Variants in KCNN3 observed in about 807,000 individuals in gnomAD.
KCNN3 encodes the protein small conductance calcium-activated potassium channel protein 3.
Under a neutral mutation model 62.9 loss-of-function variants are expected in KCNN3, and 16 were observed. The observed-to-expected ratio is 0.25, with a 90% CI of 0.17 to 0.39. The LOEUF (loss-of-function observed/expected upper bound fraction) is 0.39, where lower values mean the gene tolerates loss of function less well. Among genes scored for constraint, KCNN3 ranks in the 10% least tolerant of loss-of-function variants. The pLI is 1.00. For missense variants in KCNN3, 599 were observed against 949.4 expected, an observed-to-expected ratio of 0.63 and a Z score of 4.85; for synonymous variants, 370 against 389.2, an observed-to-expected ratio of 0.95 and a Z score of 0.58.
chr1:154,747,361 T>A (rs117791669), intron 3 of KCNN3, among the ~76,000 whole-genome samples: 1 of 152,222 alleles, frequency 6.6e-6, no homozygotes, highest in East Asian at 1.9e-4. Context: ...CTGCTCCCAA[T>A]CTACCAGTGG....
At chr1:154,735,731 C>A (rs1700699857) in intron 3 of KCNN3, among the ~76,000 whole-genome samples, 1 of 152,218 alleles carries the variant, frequency 6.6e-6, no homozygotes, top group African/African-American at 2.4e-5. Flanking sequence ...TCACTCTGCC[C>A]TGCTAGGCCC....
intron 5 of KCNN3, among the ~76,000 whole-genome samples, chr1:154,717,161 C>T (rs981147799): frequency 6.6e-6 from 1 of 152,208 alleles, no homozygotes; most frequent in African/African-American, 2.4e-5. Context: ...CTGAGTACTT[C>T]ATATGTCTAA....
chr1:154,778,315 G>T (rs1172087626), intron 2 of KCNN3, among the ~76,000 whole-genome samples: 1 of 152,178 alleles, frequency 6.6e-6, no homozygotes, highest in Non-Finnish European at 1.5e-5. Context: ...AATCAACAAG[G>T]TTAGGCCATT....
Position 154,732,223 on chromosome 1 carries a change from C to T in KCNN3, c.1590+780G>A, listed in dbSNP as rs535382048. Among the ~76,000 whole-genome samples, 42 of 152,346 alleles carry T rather than the reference C, an allele frequency of 2.8e-4. 1 individual carries two copies. The highest frequency in any genetic ancestry group is 3.4e-3 in the Middle Eastern group (1 of 294). On this transcript the variant is annotated intron_variant, in intron 4 of 7. Transcript: ENST00000271915. ...GCCCAGGGTCCACAGTGAGCAGAAA[C>T]TCAGACCCCACATCCCTCTCATAAG...
chr1:154,826,086 CAAAAAA>C (rs1557995426), intron 1 of KCNN3, among the ~76,000 whole-genome samples: 2 of 116,402 alleles, frequency 1.7e-5, no homozygotes. Flanking sequence ...AAAACAAAAA[CAAAAAA>C]AACCAAAAAA....
intron 3 of KCNN3, among the ~76,000 whole-genome samples, chr1:154,741,263 G>A (rs1232624700): frequency 1.3e-5 from 2 of 152,178 alleles, no homozygotes; most frequent in South Asian, 4.1e-4. Flanking sequence ...ATATGTGGAA[G>A]TGGTACTATT....
In KCNN3 at chr1:154,736,975, T is replaced by C. The variant is rs1047809568; in HGVS notation, c.1449-3831A>G. The stretch of plus-strand genomic sequence containing the variant: ...GGGCTACGGAAGATGCTGAGATGAA[T>C]TGGACATGCACCCTGCTCTCCAGTG... On this transcript the variant is annotated intron_variant, in intron 3 of 7. Coordinates refer to ENST00000271915, the MANE Select transcript of KCNN3 (RefSeq NM_002249.6). The C allele has an allele frequency of 1.9e-5, 13 of 698,200 alleles. No individual in the cohort carries two copies. In the Admixed American group the frequency reaches 2.0e-4, roughly 11 times the overall value. The allele number at this position is 698,200 out of a possible 1,614,324, so 43.3% of individuals were successfully genotyped here.
rs1699819692 is a variant in KCNN3, at chr1:154,699,996, T to C, written c.*7980A>G. 6.6e-6 allele frequency: 1 copy of C among 152,264 alleles called. No individual in the cohort carries two copies. Among genetic ancestry groups the C allele is most frequent in the Admixed American group, 6.5e-5 (1 of 15,288 alleles). 9.4% of individuals were successfully genotyped at this position (152,264 alleles called of 1,614,324 possible). On this transcript the variant is annotated 3_prime_UTR_variant, in exon 8 of 8. Transcript: ENST00000271915. ...ACTATCTCTTATTGACTTTATTATGTTTGATGTAGACCATCCAAGTTATAT... is the reference window on the plus strand; with the variant it reads ...ACTATCTCTTATTGACTTTATTATGCTTGATGTAGACCATCCAAGTTATAT...
At chr1:154,777,126 C>T (rs1051255958) in intron 2 of KCNN3, among the ~76,000 whole-genome samples, 17 of 152,318 alleles carry the variant, frequency 1.1e-4, no homozygotes, top group Admixed American at 6.5e-4. Context: ...TTGGGCTCAG[C>T]GTCCTCCTCT....
At position 154,869,791 on chromosome 1, in the gene KCNN3, C is replaced by T. The variant is rs2101942904; in HGVS notation, c.174G>A (p.Ser58=). 2 of 1,497,412 alleles carry T rather than the reference C, an allele frequency of 1.3e-6. No individual in the cohort carries two copies. Among genetic ancestry groups the T allele is most frequent in the Middle Eastern group, 1.9e-4 (1 of 5,192 alleles). The allele number at this position is 1,497,412 out of a possible 1,614,324, so 92.8% of individuals were successfully genotyped here. Residue 58 remains serine, a synonymous_variant, in exon 1 of 8, where the codon TCG becomes TCA. Coordinates refer to ENST00000271915, the MANE Select transcript of KCNN3 (RefSeq NM_002249.6). The surrounding 1 kb of genome is among the most constrained non-coding windows in gnomAD (Gnocchi z 6.1). ...PAAPQQPLGP[S]LQPQPPQLQQ... ...GAAGCTGCGGAGGCTGAGGCTGCAG[C>T]GAGGGTCCCAGGGGCTGCTGGGGGG...
intron 1 of KCNN3, among the ~76,000 whole-genome samples, chr1:154,841,949 A>G (rs1218571): frequency 0.98 from 149,185 of 152,346 alleles, 73,124 homozygotes; most frequent in East Asian, 1. Context: ...CCAGGTGTGA[A>G]GGAAACGCAC....
chr1:154,792,105 T>C (rs753842929), intron 2 of KCNN3, among the ~76,000 whole-genome samples: 7 of 152,202 alleles, frequency 4.6e-5, no homozygotes, highest in Non-Finnish European at 8.8e-5. Flanking sequence ...ATAAATCCTG[T>C]TGCCATTGTG....
At chr1:154,755,468 AAAGGAAGAAAGG>A (rs1377115572) in intron 3 of KCNN3, among the ~76,000 whole-genome samples, 3 of 120,924 alleles carry the variant, frequency 2.5e-5, no homozygotes, top group African/African-American at 2.8e-5. Flanking sequence ...GACAAGAAAG[AAAGGAAGAAAGG>A]AAGGAAGAAA....
intron 2 of KCNN3, among the ~76,000 whole-genome samples, chr1:154,781,601 C>T (rs947870025): frequency 6.6e-6 from 1 of 152,178 alleles, no homozygotes; most frequent in African/African-American, 2.4e-5. Flanking sequence ...GACTGGAAAT[C>T]CTTTGGATGG....
chr1:154,834,829 A>T (rs1283808727), intron 1 of KCNN3, among the ~76,000 whole-genome samples: 1 of 152,190 alleles, frequency 6.6e-6, no homozygotes, highest in African/African-American at 2.4e-5. Flanking sequence ...ACAGCTTCTG[A>T]TTCCAAGCCC....
chr1:154,830,610 A>G (rs1651344483), intron 1 of KCNN3, among the ~76,000 whole-genome samples: 2 of 152,196 alleles, frequency 1.3e-5, no homozygotes, highest in African/African-American at 2.4e-5. Flanking sequence ...CTCGACACAA[A>G]ACTCATAAAG....
At chr1:154,836,666 C>T (rs1049512885) in intron 1 of KCNN3, among the ~76,000 whole-genome samples, 1 of 152,248 alleles carries the variant, frequency 6.6e-6, no homozygotes, top group Non-Finnish European at 1.5e-5. Flanking sequence ...TCACTCTCCT[C>T]ACCCACATTT....
intron 2 of KCNN3, among the ~76,000 whole-genome samples, chr1:154,792,792 C>G (rs1291126532): frequency 6.6e-6 from 1 of 152,178 alleles, no homozygotes; most frequent in South Asian, 2.1e-4. Context: ...CCTATATGGG[C>G]TCCGAAGTTC....
chr1:154,800,544 G>A (rs1240413837), intron 2 of KCNN3, among the ~76,000 whole-genome samples: 2 of 152,114 alleles, frequency 1.3e-5, no homozygotes, highest in African/African-American at 2.4e-5. Context: ...AGCTGGCCTT[G>A]TTATAACCTG....
Sources: allele counts gnomAD v4.1 joint callset (sites outside exome capture counted in the v4.1 genomes callset), GRCh38; gene constraint gnomAD v4.1.1; non-coding constraint Gnocchi (gnomAD v3.1); transcripts MANE v1.5; gene names NCBI Gene and HGNC (gene_info 2026-07-23, HGNC 2026-07-21).